GALNT2: variants seen among roughly 807,000 people sequenced by gnomAD.
GALNT2 encodes the protein polypeptide N-acetylgalactosaminyltransferase 2.
Under a neutral mutation model 81.4 loss-of-function variants are expected in GALNT2, and 31 were observed. The observed-to-expected ratio is 0.38, with a 90% confidence interval of 0.29 to 0.51. The LOEUF (loss-of-function observed/expected upper bound fraction) is 0.51, where lower values mean the gene tolerates loss of function less well. Ranked by LOEUF, GALNT2 falls within the 20% of genes least tolerant of loss-of-function variation. The pLI is 0.87. For synonymous variants in GALNT2, 303 were observed against 287.4 expected (o/e 1.05, Z -0.55); for missense variants, 629 against 765.7 (o/e 0.82, Z 2.11).
chr1:230,067,532 T>G, intron 1 of GALNT2, 126 bp downstream of exon 1: 3 of 299,712 alleles, frequency 1.0e-5, no homozygotes, highest in East Asian at 6.8e-5. Context: ...TCGCCCGCCC[T>G]CGTCCCGGGC....
At chr1:230,074,394 G>A (rs1278873066) in intron 1 of GALNT2, among the ~76,000 whole-genome samples, 1 of 152,116 alleles carries the variant, frequency 6.6e-6, no homozygotes, top group Non-Finnish European at 1.5e-5. Flanking sequence ...ATTCTTTGTT[G>A]TGCAAGGCTG....
At chr1:230,255,378 A>G in intron 11 of GALNT2, 34 bp downstream of exon 11, 2 of 1,613,656 alleles carry the variant, frequency 1.2e-6, no homozygotes, top group South Asian at 2.2e-5. Context: ...GGTCCAAAAC[A>G]TTGATGACTA....
At chr1:230,211,534 C>T (rs541227911) in intron 3 of GALNT2, among the ~76,000 whole-genome samples, 1 of 152,306 alleles carries the variant, frequency 6.6e-6, no homozygotes, top group East Asian at 1.9e-4. Flanking sequence ...GTGGCTCACA[C>T]CTGTAATTTC....
intron 1 of GALNT2, among the ~76,000 whole-genome samples, chr1:230,150,176 C>G (rs1226414170): frequency 2.0e-5 from 3 of 152,162 alleles, no homozygotes; most frequent in Non-Finnish European, 4.4e-5. Flanking sequence ...CTGGCTCCGC[C>G]CTGGGGCCAG....
At chr1:230,103,662 AG>A (rs1435728760) in intron 1 of GALNT2, among the ~76,000 whole-genome samples, 1 of 152,150 alleles carries the variant, frequency 6.6e-6, no homozygotes, top group African/African-American at 2.4e-5. Context: ...GGAGACAAGT[AG>A]GTGGCACACA....
At chr1:230,064,667 C>T (rs769524864), upstream of GALNT2, among the ~76,000 whole-genome samples, 1 of 152,146 alleles carries the variant, frequency 6.6e-6, no homozygotes, top group African/African-American at 2.4e-5. Flanking sequence ...ATTACAGGCA[C>T]CTGCCGGCTA....
chr1:230,273,101 A>G lies in GALNT2; in HGVS notation c.1441-1344A>G, dbSNP rs907939259. 2.6e-5 allele frequency among the ~76,000 whole-genome samples: 4 copies of G among 152,150 alleles called. No homozygotes were observed. In the South Asian group the frequency reaches 6.2e-4, roughly 24 times the overall value. ...CATCTTCACCTTTTAATGTTTTTCT[A>G]ATGACGGACTATTTGTTCCAACATG... is the stretch of plus-strand genomic sequence containing the variant. On this transcript the variant is annotated intron_variant, in intron 14 of 15. Coordinates refer to ENST00000366672, the MANE Select transcript of GALNT2 (RefSeq NM_004481.5).
intron 2 of GALNT2, among the ~76,000 whole-genome samples, chr1:230,188,839 AATCT>A (rs1331247877): frequency 6.6e-6 from 1 of 152,132 alleles, no homozygotes; most frequent in Non-Finnish European, 1.5e-5. Context: ...GTATTTTGGA[AATCT>A]ATCTGATAGA....
intron 2 of GALNT2, among the ~76,000 whole-genome samples, chr1:230,181,026 CACAG>C (rs975940522): frequency 1.3e-4 from 20 of 152,264 alleles, no homozygotes; most frequent in African/African-American, 4.1e-4. Flanking sequence ...AGGTTTTCTG[CACAG>C]ACAATCATGT....
intron 1 of GALNT2, among the ~76,000 whole-genome samples, chr1:230,073,064 G>C (rs1659425156): frequency 6.6e-6 from 1 of 152,208 alleles, no homozygotes; most frequent in South Asian, 2.1e-4. Context: ...TTAAGGAGGA[G>C]GGATGTCTTG....
At chr1:230,256,445 C>CAA (rs35831707) in intron 11 of GALNT2, among the ~76,000 whole-genome samples, 17 of 108,450 alleles carry the variant, frequency 1.6e-4, no homozygotes, top group Middle Eastern at 4.9e-3. Context: ...GACTCTGTCT[C>CAA]AAAAAAAAAA....
At chr1:230,169,481 G>A (rs537106099) in intron 1 of GALNT2, among the ~76,000 whole-genome samples, 2 of 152,332 alleles carry the variant, frequency 1.3e-5, no homozygotes, top group Admixed American at 1.3e-4. Context: ...AGACTCAACT[G>A]GCTGGGTCAC....
Position 230,193,302 on chromosome 1 carries a change from G to T in GALNT2, c.221-9835G>T, listed in dbSNP as rs1232530198. ...AGACTCTCAGTTTCCTGCACAACGG[G>T]ACCTGCATCCAGGAAGATACCTCCC... is the stretch of plus-strand genomic sequence containing the variant. On this transcript the variant is annotated intron_variant, in intron 2 of 15. Coordinates refer to ENST00000366672, the MANE Select transcript of GALNT2 (RefSeq NM_004481.5). The surrounding 1 kb of genome is among the most constrained non-coding windows in gnomAD (Gnocchi z 4.3). Among the ~76,000 whole-genome samples the T allele has an allele frequency of 6.6e-6, 1 of 152,178 alleles. No individual in the cohort carries two copies. The highest frequency in any genetic ancestry group is 1.5e-5 in the Non-Finnish European group (1 of 68,042).
At chr1:230,107,716 A>G (rs1660584498) in intron 1 of GALNT2, among the ~76,000 whole-genome samples, 1 of 151,900 alleles carries the variant, frequency 6.6e-6, no homozygotes, top group Non-Finnish European at 1.5e-5. Flanking sequence ...TGGTTTACAT[A>G]TTGGTGCTTT....
intron 14 of GALNT2, chr1:230,268,447 AT>A (rs1666089189): frequency 1.3e-5 from 2 of 152,072 alleles, no homozygotes; most frequent in African/African-American, 4.8e-5. Context: ...TGTTCTGATG[AT>A]TTATGGAAGG....
At chr1:230,149,495 C>G (rs1662027898) in intron 1 of GALNT2, among the ~76,000 whole-genome samples, 1 of 152,178 alleles carries the variant, frequency 6.6e-6, no homozygotes, top group Admixed American at 6.5e-5. Context: ...TCTGCCTAAA[C>G]ATAGTCCTTC....
rs913297429 is a variant in GALNT2 at position 230,253,362 on chromosome 1, G to A, written c.1010-1856G>A. Among the ~76,000 whole-genome samples, 4 of 152,120 alleles carry A rather than the reference G, an allele frequency of 2.6e-5. No homozygotes were observed. The East Asian group carries it at 7.7e-4, about 29-fold the overall frequency. ...CTCATGGTGTTCTGACCCCTGTGTT[G>A]TATTTCCTGCCATGTGCCTGGCATT... On this transcript the variant is annotated intron_variant, in intron 10 of 15. Coordinates refer to ENST00000366672, the MANE Select transcript of GALNT2 (RefSeq NM_004481.5).
intron 6 of GALNT2, among the ~76,000 whole-genome samples, chr1:230,237,819 A>G (rs1665078324): frequency 6.7e-6 from 1 of 150,208 alleles, no homozygotes; most frequent in South Asian, 2.1e-4. Context: ...CTGCCATCCT[A>G]CCCCATCACC....
intron 1 of GALNT2, among the ~76,000 whole-genome samples, chr1:230,162,546 C>T (rs912599097): frequency 6.6e-6 from 1 of 152,164 alleles, no homozygotes; most frequent in Non-Finnish European, 1.5e-5. Context: ...AGATTCCCTC[C>T]ATAGAAGCTA....
Sources: allele counts gnomAD v4.1 joint callset (sites outside exome capture counted in the v4.1 genomes callset), GRCh38; gene constraint gnomAD v4.1.1; non-coding constraint Gnocchi (gnomAD v3.1); transcripts MANE v1.5; gene names NCBI Gene and HGNC (gene_info 2026-07-23, HGNC 2026-07-21).